The following KIAA0319L variants were observed in gnomAD, a reference collection of about 807,000 sequenced individuals.
The protein encoded by KIAA0319L is dyslexia-associated protein KIAA0319-like protein.
In KIAA0319L, 55 loss-of-function variants were observed where a neutral mutation model predicts 120.1. The ratio of observed to expected loss-of-function variants is 0.46; its 90% CI spans 0.37 to 0.57. The LOEUF (loss-of-function observed/expected upper bound fraction) is 0.57. KIAA0319L is among the 20% of genes least tolerant of loss of function. The probability of loss-of-function intolerance (pLI) is 0.00; values close to 1 mark genes in which losing one functional copy is unlikely to be tolerated. For missense variants in KIAA0319L, 1,049 were observed against 1,255.3 expected, an observed-to-expected ratio of 0.84 and a Z score of 2.48; for synonymous variants, 398 against 471.9, an observed-to-expected ratio of 0.84 and a Z score of 2.03.
intron 3 of KIAA0319L, among the ~76,000 whole-genome samples, chr1:35,490,269 T>C (rs1644543653): frequency 6.6e-6 from 1 of 152,166 alleles, no homozygotes; most frequent in South Asian, 2.1e-4. Context: ...CTAATAAAAG[T>C]CCTACTTTAG....
intron 16 of KIAA0319L, among the ~76,000 whole-genome samples, chr1:35,446,027 T>C (rs1641592461): frequency 6.6e-6 from 1 of 152,200 alleles, no homozygotes; most frequent in East Asian, 1.9e-4. Context: ...TGAGTATACT[T>C]ATCCCTAATC....
At position 35,448,021 on chromosome 1, in the gene KIAA0319L, G is replaced by A; in HGVS notation, c.2513+152C>T. The stretch of plus-strand genomic sequence containing the variant: ...AGTACAGCGCATGTCACCTGCACTA[G>A]AAGACAGAAGTCTATTGAAGAAAAG... On this transcript the variant is annotated intron_variant, in intron 16 of 20. Coordinates refer to ENST00000325722, the MANE Select transcript of KIAA0319L (RefSeq NM_024874.5). 4.1e-6 allele frequency: 3 copies of A among 735,176 alleles called. No individual in the cohort carries two copies. In the South Asian group the frequency reaches 5.8e-5, roughly 14 times the overall value. 45.5% of individuals were successfully genotyped at this position (735,176 alleles called of 1,614,324 possible).
chr1:35,523,105 T>C (rs1307973559), intron 2 of KIAA0319L, among the ~76,000 whole-genome samples: 1 of 151,446 alleles, frequency 6.6e-6, no homozygotes, highest in Non-Finnish European at 1.5e-5. Context: ...CCTCCTTCCC[T>C]ATGTTCCAAT....
intron 2 of KIAA0319L, among the ~76,000 whole-genome samples, chr1:35,532,077 A>G (rs1314709362): frequency 2.0e-5 from 3 of 152,114 alleles, no homozygotes; most frequent in Non-Finnish European, 4.4e-5. Context: ...CCTGGCCAAC[A>G]TGGTGAAACC....
intron 2 of KIAA0319L, among the ~76,000 whole-genome samples, chr1:35,517,766 T>C (rs1418892815): frequency 6.6e-6 from 1 of 151,952 alleles, no homozygotes. Flanking sequence ...AAAGAAACTA[T>C]CAACAGAGTA....
At chr1:35,471,742 A>G (rs970437786) in intron 5 of KIAA0319L, among the ~76,000 whole-genome samples, 2 of 152,170 alleles carry the variant, frequency 1.3e-5, no homozygotes, top group African/African-American at 4.8e-5. Flanking sequence ...GTAAAAAAGA[A>G]AAAGGGGGAA....
chr1:35,467,648 C>A (rs1643357829), intron 6 of KIAA0319L, among the ~76,000 whole-genome samples: 1 of 151,980 alleles, frequency 6.6e-6, no homozygotes, highest in African/African-American at 2.4e-5. Flanking sequence ...TTCTTCCATT[C>A]ATTTAGCATG....
At chr1:35,477,543 T>C (rs1440044509) in intron 4 of KIAA0319L, among the ~76,000 whole-genome samples, 2 of 151,670 alleles carry the variant, frequency 1.3e-5, no homozygotes, top group Non-Finnish European at 2.9e-5. Flanking sequence ...GGTGGGCGCC[T>C]GTAGTCCCAG....
At chr1:35,544,392 C>T (rs1646909303) in intron 2 of KIAA0319L, among the ~76,000 whole-genome samples, 2 of 147,342 alleles carry the variant, frequency 1.4e-5, no homozygotes, top group Non-Finnish European at 3.0e-5. Flanking sequence ...AAAAAAAAAT[C>T]CTCAAGACTG....
intron 3 of KIAA0319L, among the ~76,000 whole-genome samples, chr1:35,489,371 T>C (rs904607167): frequency 6.6e-6 from 1 of 152,034 alleles, no homozygotes; most frequent in African/African-American, 2.4e-5. Flanking sequence ...AAAACAGTGA[T>C]CCCTAAGAAA....
intron 16 of KIAA0319L, among the ~76,000 whole-genome samples, chr1:35,447,598 G>T (rs1327302925): frequency 3.5e-5 from 5 of 141,764 alleles, no homozygotes; most frequent in Non-Finnish European, 7.5e-5. Context: ...TCTTGAGACA[G>T]TCTCACTCTG....
intron 9 of KIAA0319L, among the ~76,000 whole-genome samples, chr1:35,456,871 G>A (rs1642494937): frequency 7.3e-6 from 1 of 137,862 alleles, no homozygotes; most frequent in Non-Finnish European, 1.6e-5. Flanking sequence ...AGGAAGGGAG[G>A]GAAGGAAGGA....
Position 35,456,063 on chromosome 1 carries a change from A to G in KIAA0319L, c.1606T>C (p.Tyr536His), listed in dbSNP as rs1642428930. Residue 536 changes from tyrosine to histidine, a missense_variant, in exon 10 of 21, where the codon TAT (tyrosine) becomes CAT (histidine). Coordinates refer to ENST00000325722, the MANE Select transcript of KIAA0319L (RefSeq NM_024874.5). ...CTGCTTGGGCTGAGTGACCACTCAT[A>G]GCTGGTGATGCCATGATCATCAGTG... ...QSTDDHGITS[Y>H]EWSLSPSSKG... 6.2e-7 allele frequency: 1 copy of G among 1,613,948 alleles called. No homozygotes were observed. The highest frequency in any genetic ancestry group is 1.7e-5 in the Admixed American group (1 of 59,996).
At chr1:35,484,174 T>G (rs754548529) in intron 3 of KIAA0319L, among the ~76,000 whole-genome samples, 3 of 152,198 alleles carry the variant, frequency 2.0e-5, no homozygotes, top group Non-Finnish European at 4.4e-5. Context: ...CATTACTTAT[T>G]TCTCATATTC....
chr1:35,535,096 TAA>T (rs56965473), intron 2 of KIAA0319L, among the ~76,000 whole-genome samples: 3 of 56,328 alleles, frequency 5.3e-5, no homozygotes, highest in Middle Eastern at 0.014. Context: ...GACTCCGTCT[TAA>T]AAAAAAAAAA....
At chr1:35,449,504 C>G (rs1641888829) in intron 15 of KIAA0319L, among the ~76,000 whole-genome samples, 1 of 152,198 alleles carries the variant, frequency 6.6e-6, no homozygotes, top group African/African-American at 2.4e-5. Flanking sequence ...TATTCCCATG[C>G]TCAGATTCCC....
rs558814351 is a variant in KIAA0319L at position 35,506,438 on chromosome 1, C to A, written c.666+174G>T. ...TACATAGCATGAACATCTCTAGGGT[C>A]AAATTACCCTTTGTACATCTGGGCA... On this transcript the variant is annotated intron_variant, in intron 3 of 20. Coordinates refer to ENST00000325722, the MANE Select transcript of KIAA0319L (RefSeq NM_024874.5). This position sits in a 1 kb window ranked among gnomAD's most constrained non-coding sequence, Gnocchi z 4.0. Among the ~76,000 whole-genome samples, 1 of 152,182 alleles carries A rather than the reference C, an allele frequency of 6.6e-6. No individual in the cohort carries two copies. Among genetic ancestry groups the A allele is most frequent in the Non-Finnish European group, 1.5e-5 (1 of 68,038 alleles).
chr1:35,550,570 AT>A (rs1378737523), intron 2 of KIAA0319L, among the ~76,000 whole-genome samples: 3 of 152,248 alleles, frequency 2.0e-5, no homozygotes, highest in Non-Finnish European at 1.5e-5. Flanking sequence ...AGTCAAAAAA[AT>A]ACATAAATAT....
chr1:35,541,606 T>C (rs1171296080), intron 2 of KIAA0319L, among the ~76,000 whole-genome samples: 2 of 152,056 alleles, frequency 1.3e-5, no homozygotes, highest in Non-Finnish European at 2.9e-5. Flanking sequence ...CACCGCAGCC[T>C]CCCAAAGTGC....
Sources: gnomAD v4.1 joint callset for allele counts (sites outside exome capture counted in the v4.1 genomes callset) on GRCh38, gnomAD v4.1.1 for gene constraint, Gnocchi (gnomAD v3.1) non-coding constraint, MANE v1.5 for transcripts, NCBI Gene and HGNC (gene_info 2026-07-23, HGNC 2026-07-21) for gene names.